Variants in RANBP2 observed in about 807,000 individuals in gnomAD.
RANBP2 encodes the protein RAN binding protein 2.
A neutral mutation model predicts 303.6 loss-of-function variants in RANBP2; 57 were observed. The ratio of observed to expected loss-of-function variants is 0.19; its 90% confidence interval spans 0.15 to 0.23. The LOEUF (loss-of-function observed/expected upper bound fraction) is 0.23. RANBP2 is among the 10% of genes least tolerant of loss of function. RANBP2 has a pLI of 1.00. For synonymous variants in RANBP2, 1,167 were observed against 1,301.5 expected, an observed-to-expected ratio of 0.90 and a Z score of 2.23; for missense variants, 3,138 against 3,780.8, an observed-to-expected ratio of 0.83 and a Z score of 4.46.
At chr2:109,208,052 A>G in the RANBP2 span, among the ~76,000 whole-genome samples, 2 of 152,214 alleles carry the variant, frequency 1.3e-5, no homozygotes, top group East Asian at 3.9e-4. Flanking sequence ...AAATTCAACA[A>G]TTCTGCAAAT....
the RANBP2 span, among the ~76,000 whole-genome samples, chr2:108,815,280 T>C: frequency 2.0e-5 from 3 of 152,028 alleles, no homozygotes; most frequent in South Asian, 4.1e-4. Flanking sequence ...TGATTCATGC[T>C]CTTAAGTTAA....
chr2:109,546,142 A>C, the RANBP2 span: 1 of 1,611,554 alleles, frequency 6.2e-7, no homozygotes, highest in Admixed American at 1.7e-5. Context: ...TTTTAGAGAA[A>C]GCAATTATTT....
the RANBP2 span, among the ~76,000 whole-genome samples, chr2:109,107,998 C>T: frequency 5.3e-5 from 8 of 152,194 alleles, no homozygotes; most frequent in Non-Finnish European, 1.0e-4. Context: ...CTCCGCCTCA[C>T]GGGTTCATGC....
At chr2:109,510,433 G>A in the RANBP2 span, among the ~76,000 whole-genome samples, 3 of 152,208 alleles carry the variant, frequency 2.0e-5, no homozygotes, top group South Asian at 2.1e-4. Context: ...AGACAGCCCC[G>A]AGGGTCCTTT....
At chr2:109,149,743 A>G in the RANBP2 span, among the ~76,000 whole-genome samples, 1 of 152,250 alleles carries the variant, frequency 6.6e-6, no homozygotes, top group Non-Finnish European at 1.5e-5. Context: ...TGGGGGCTCT[A>G]TCAAGACGTT....
At chr2:109,194,529 C>G in the RANBP2 span, among the ~76,000 whole-genome samples, 20 of 152,370 alleles carry the variant, frequency 1.3e-4, no homozygotes, top group South Asian at 4.1e-3. Flanking sequence ...GGCATTTGCT[C>G]CAGCAGCACT....
the RANBP2 span, chr2:109,501,639 C>T: frequency 2.4e-5 from 19 of 775,996 alleles, no homozygotes; most frequent in African/African-American, 2.9e-4. Context: ...CCGCACAGGC[C>T]TCTTCCCGGG....
At chr2:108,792,126 A>G in the RANBP2 span, among the ~76,000 whole-genome samples, 1 of 152,224 alleles carries the variant, frequency 6.6e-6, no homozygotes, top group Non-Finnish European at 1.5e-5. Context: ...ATTTCTGGGC[A>G]CTGAACTGCC....
chr2:108,956,934 AC>A, the RANBP2 span, among the ~76,000 whole-genome samples: 1 of 152,038 alleles, frequency 6.6e-6, no homozygotes, highest in African/African-American at 2.4e-5. Flanking sequence ...GATTACAGGC[AC>A]CTACCACCAC....
chr2:109,140,015 T>C, the RANBP2 span, among the ~76,000 whole-genome samples: 3 of 152,214 alleles, frequency 2.0e-5, no homozygotes, highest in African/African-American at 7.2e-5. Context: ...TAGTGACTCA[T>C]GACGTTGAAA....
chr2:109,287,462 A>T, the RANBP2 span, among the ~76,000 whole-genome samples: 2 of 152,174 alleles, frequency 1.3e-5, no homozygotes, highest in Admixed American at 6.6e-5. Context: ...GCTACCTGAG[A>T]TACCTAAGAG....
the RANBP2 span, among the ~76,000 whole-genome samples, chr2:109,397,768 G>A: frequency 3.8e-3 from 586 of 152,344 alleles, 1 homozygote; most frequent in African/African-American, 0.014. Context: ...AGCCCTGAGA[G>A]GAAGGATGTG....
chr2:109,396,773 T>C, the RANBP2 span, among the ~76,000 whole-genome samples: 1 of 152,248 alleles, frequency 6.6e-6, no homozygotes, highest in South Asian at 2.1e-4. Context: ...GCCTATATCC[T>C]TAGCCTATGC....
At chr2:109,171,996 G>A in the RANBP2 span, among the ~76,000 whole-genome samples, 1 of 152,352 alleles carries the variant, frequency 6.6e-6, no homozygotes, top group East Asian at 1.9e-4. Flanking sequence ...TGAGTCGCCC[G>A]TTTCCCAATA....
the RANBP2 span, among the ~76,000 whole-genome samples, chr2:109,002,205 C>G: frequency 6.6e-6 from 1 of 152,220 alleles, no homozygotes; most frequent in Non-Finnish European, 1.5e-5. Flanking sequence ...TGCAGGAGGC[C>G]CCCAGAGGAG....
At chr2:109,124,204 C>T in the RANBP2 span, among the ~76,000 whole-genome samples, 148 of 150,882 alleles carry the variant, frequency 9.8e-4, no homozygotes, top group African/African-American at 3.3e-3. Context: ...GACAGAGTCT[C>T]GCTCTTGTTG....
At chr2:109,572,067 C>T in the RANBP2 span, among the ~76,000 whole-genome samples, 12 of 152,138 alleles carry the variant, frequency 7.9e-5, no homozygotes, top group African/African-American at 2.4e-4. Flanking sequence ...CTAAATGCTT[C>T]GTAATATTCA....
the RANBP2 span, among the ~76,000 whole-genome samples, chr2:109,561,535 T>C: frequency 1.3e-5 from 2 of 152,342 alleles, no homozygotes; most frequent in South Asian, 4.1e-4. Context: ...CCCAGTATTA[T>C]TCACTGCTGA....
the RANBP2 span, among the ~76,000 whole-genome samples, chr2:109,148,345 G>A: frequency 0.4 from 61,574 of 152,180 alleles, 14,667 homozygotes; most frequent in South Asian, 0.54. Context: ...AGCGCCATCC[G>A]TGGTTCTTCA....
Sources: gnomAD v4.1 joint callset for allele counts (sites outside exome capture counted in the v4.1 genomes callset) on GRCh38, gnomAD v4.1.1 for gene constraint, MANE v1.5 for transcripts, NCBI Gene and HGNC (gene_info 2026-07-23, HGNC 2026-07-21) for gene names.